RGS6: variants seen among roughly 807,000 people sequenced by gnomAD.
RGS6 encodes regulator of G-protein signaling 6.
RGS6 carries 30 observed loss-of-function variants against 78.5 expected under a neutral mutation model. The observed-to-expected ratio is 0.38, with a 90% CI of 0.29 to 0.52. The LOEUF is 0.52. Among genes scored for constraint, RGS6 ranks in the 20% least tolerant of loss-of-function variants. The pLI is 0.85. For synonymous variants in RGS6, 206 were observed against 206.0 expected (o/e 1.00, Z 0.00); for missense variants, 495 against 609.7 (o/e 0.81, Z 1.98).
chr14:72,334,629 A>G (rs1012779438), intron 2 of RGS6, among the ~76,000 whole-genome samples: 1 of 152,208 alleles, frequency 6.6e-6, no homozygotes, highest in African/African-American at 2.4e-5. Flanking sequence ...GTGTTCCGTG[A>G]TGGAAGTCAT....
chr14:72,473,037 C>A, intron 9 of RGS6, 84 bp downstream of exon 9: 1 of 875,104 alleles, frequency 1.1e-6, no homozygotes, highest in Non-Finnish European at 1.7e-6. Context: ...CGTCTTTAGC[C>A]ACCAGGTGTC....
intron 2 of RGS6, among the ~76,000 whole-genome samples, chr14:72,342,547 G>A (rs141766817): frequency 5.0e-4 from 73 of 144,796 alleles, no homozygotes; most frequent in African/African-American, 1.9e-3. Context: ...GTGACAAAGT[G>A]AGACTGAGAC....
the RGS6 span, among the ~76,000 whole-genome samples, chr14:72,585,298 C>T: frequency 6.6e-6 from 1 of 152,196 alleles, no homozygotes; most frequent in Non-Finnish European, 1.5e-5. Flanking sequence ...TGAATGACAA[C>T]ACCATCTACA....
At chr14:72,241,166 A>AC (rs1000077045) in intron 2 of RGS6, among the ~76,000 whole-genome samples, 1 of 151,730 alleles carries the variant, frequency 6.6e-6, no homozygotes, top group Non-Finnish European at 1.5e-5. Flanking sequence ...AAAAAAAAAA[A>AC]AAAAACAAAA....
intron 3 of RGS6, among the ~76,000 whole-genome samples, chr14:72,386,222 T>G (rs984283555): frequency 2.6e-5 from 4 of 152,116 alleles, no homozygotes; most frequent in Non-Finnish European, 5.9e-5. Context: ...TACAAAATCA[T>G]GTTTGATGTC....
At chr14:72,222,273 C>G (rs914765026) in intron 2 of RGS6, among the ~76,000 whole-genome samples, 1 of 152,232 alleles carries the variant, frequency 6.6e-6, no homozygotes, top group Non-Finnish European at 1.5e-5. Flanking sequence ...AGGGCCAGAT[C>G]CCAGAACAGG....
At chr14:72,131,191 G>A (rs1323750659) in intron 2 of RGS6, among the ~76,000 whole-genome samples, 1 of 152,150 alleles carries the variant, frequency 6.6e-6, no homozygotes, top group African/African-American at 2.4e-5. Flanking sequence ...GGCTTCTCCA[G>A]TGTTCTTTCA....
intron 3 of RGS6, among the ~76,000 whole-genome samples, chr14:72,417,260 C>T (rs1330793128): frequency 6.6e-6 from 1 of 152,240 alleles, no homozygotes; most frequent in Non-Finnish European, 1.5e-5. Context: ...CAAATATTCT[C>T]TGTCAACTGA....
At chr14:72,141,792 G>T (rs1275115084) in intron 2 of RGS6, among the ~76,000 whole-genome samples, 1 of 151,742 alleles carries the variant, frequency 6.6e-6, no homozygotes, top group Non-Finnish European at 1.5e-5. Flanking sequence ...TCCCTCTTAG[G>T]ACCATAAGAT....
intron 2 of RGS6, among the ~76,000 whole-genome samples, chr14:72,120,741 T>G (rs924420684): frequency 7.2e-5 from 11 of 152,082 alleles, no homozygotes; most frequent in Non-Finnish European, 2.9e-5. Flanking sequence ...CACAAGAACA[T>G]GTAAAACGAA....
intron 2 of RGS6, among the ~76,000 whole-genome samples, chr14:72,065,094 T>C (rs1156682961): frequency 4.6e-5 from 7 of 152,256 alleles, no homozygotes; most frequent in South Asian, 4.1e-4. Flanking sequence ...GATTAACATA[T>C]ATTGTCTAGA....
At chr14:72,403,762 T>C (rs2092679980) in intron 3 of RGS6, among the ~76,000 whole-genome samples, 1 of 152,144 alleles carries the variant, frequency 6.6e-6, no homozygotes, top group East Asian at 1.9e-4. Flanking sequence ...ATAAACAATA[T>C]TGAAAGCAAA....
intron 2 of RGS6, among the ~76,000 whole-genome samples, chr14:72,185,178 G>T (rs116654926): frequency 6.6e-6 from 1 of 152,034 alleles, no homozygotes; most frequent in Non-Finnish European, 1.5e-5. Context: ...ATGTTCTTCT[G>T]CTTGCTTTAT....
At chr14:72,408,244 T>C (rs1253699894) in intron 3 of RGS6, among the ~76,000 whole-genome samples, 3 of 152,220 alleles carry the variant, frequency 2.0e-5, no homozygotes, top group Non-Finnish European at 4.4e-5. Context: ...TATACTAAGA[T>C]CCACAGACCC....
At chr14:72,592,865 A>G in the RGS6 span, among the ~76,000 whole-genome samples, 1 of 152,228 alleles carries the variant, frequency 6.6e-6, no homozygotes, top group African/African-American at 2.4e-5. Flanking sequence ...TTAGGACTGC[A>G]GACTCTCAGA....
At chr14:72,520,505 A>G (rs1038764584) in intron 15 of RGS6, among the ~76,000 whole-genome samples, 1 of 152,234 alleles carries the variant, frequency 6.6e-6, no homozygotes, top group Non-Finnish European at 1.5e-5. Context: ...GCTTATATCC[A>G]TTAGTTAATT....
intron 15 of RGS6, among the ~76,000 whole-genome samples, chr14:72,531,477 A>G (rs2097182270): frequency 6.6e-6 from 1 of 150,518 alleles, no homozygotes; most frequent in Non-Finnish European, 1.5e-5. Context: ...ATTTAATTTC[A>G]TTTGAGTCCT....
chr14:71,881,138 A>C, the RGS6 span, among the ~76,000 whole-genome samples: 3 of 152,182 alleles, frequency 2.0e-5, no homozygotes, highest in Non-Finnish European at 4.4e-5. Flanking sequence ...CATTTTGGCC[A>C]ATTTATTCCA....
intron 17 of RGS6, among the ~76,000 whole-genome samples, chr14:72,550,097 T>C (rs2097481478): frequency 6.6e-6 from 1 of 150,922 alleles, no homozygotes; most frequent in Non-Finnish European, 1.5e-5. Flanking sequence ...TGGGATTGTG[T>C]AATTATGGTG....
Sources: allele counts gnomAD v4.1 joint callset (sites outside exome capture counted in the v4.1 genomes callset), GRCh38; gene constraint gnomAD v4.1.1; transcripts MANE v1.5; gene names NCBI Gene and HGNC (gene_info 2026-07-23, HGNC 2026-07-21).